The following ST3GAL2 variants were observed in gnomAD, a reference collection of about 807,000 sequenced individuals.
ST3GAL2 encodes ST3 beta-galactoside alpha-2,3-sialyltransferase 2.
ST3GAL2 carries 16 observed loss-of-function variants against 37.5 expected under a neutral mutation model. That is an observed-to-expected ratio of 0.43 (90% CI 0.29 to 0.65). ST3GAL2 has a LOEUF of 0.65. ST3GAL2 is among the 30% of genes least tolerant of loss of function. The probability of loss-of-function intolerance (pLI) is 0.17; values close to 1 mark genes in which losing one functional copy is unlikely to be tolerated. For synonymous variants in ST3GAL2, 238 were observed against 202.9 expected (o/e 1.17, Z -1.47); for missense variants, 383 against 487.8 (o/e 0.79, Z 2.02).
In ST3GAL2 at chr16:70,381,760, C is replaced by G; in HGVS notation, c.982G>C (p.Ala328Pro). The change falls in exon 7 of 7, where the codon GCG becomes CCG. Residue 328 changes from alanine to proline, a missense_variant. Transcript: ENST00000342907. ...TCGATGATGTGGGCCTCGAAGTCCGCGTCGTGCACGCCAGTCTTCCGGAAC... is the reference window on the plus strand; with the variant it reads ...TCGATGATGTGGGCCTCGAAGTCCGGGTCGTGCACGCCAGTCTTCCGGAAC... ...GEFRKTGVHD[A>P]DFEAHIIDML... The G allele has an allele frequency of 6.2e-7, 1 of 1,614,094 alleles. No individual in the cohort carries two copies. Among genetic ancestry groups the G allele is most frequent in the Non-Finnish European group, 8.5e-7 (1 of 1,179,962 alleles).
intron 1 of ST3GAL2, among the ~76,000 whole-genome samples, chr16:70,428,596 T>A (rs1006369743): frequency 5.3e-5 from 8 of 152,194 alleles, no homozygotes; most frequent in African/African-American, 1.9e-4. Context: ...CCCTCTATCC[T>A]ATCCCTCCCT....
In ST3GAL2 at chr16:70,403,995, GA is replaced by G. The variant is rs529839547; in HGVS notation, c.-1003-4463del. Among the ~76,000 whole-genome samples the G allele has an allele frequency of 9.6e-3, 1,410 of 146,434 alleles. 21 individuals carry two copies. Among genetic ancestry groups the G allele is most frequent in the Admixed American group, 0.015 (228 of 14,722 alleles). The stretch of plus-strand genomic sequence containing the variant: ...GGGTGACAGAGTGATACCACAACTC[GA>G]AAAAAAAAAGAAAGTTTTTTAGACA... On this transcript the variant is annotated intron_variant, in intron 1 of 6. Coordinates refer to ENST00000342907, the MANE Select transcript of ST3GAL2 (RefSeq NM_006927.4).
At chr16:70,404,217 T>C (rs1175153133) in intron 1 of ST3GAL2, among the ~76,000 whole-genome samples, 1 of 152,076 alleles carries the variant, frequency 6.6e-6, no homozygotes, top group Admixed American at 6.6e-5. Context: ...GGTACTCTGC[T>C]GTCTGAAAGA....
chr16:70,428,881 G>A (rs982282232), intron 1 of ST3GAL2, among the ~76,000 whole-genome samples: 1 of 152,274 alleles, frequency 6.6e-6, no homozygotes, highest in Admixed American at 6.5e-5. Flanking sequence ...GGAAAAACCT[G>A]GCTAGAGCAG....
chr16:70,399,659 T>A (rs2047542071), intron 1 of ST3GAL2, 126 bp from the exon 2 acceptor site: 1 of 385,516 alleles, frequency 2.6e-6, no homozygotes, highest in Non-Finnish European at 4.6e-6. Context: ...AGGGTGGACA[T>A]GACCAAGGGC....
chr16:70,394,851 G>C, intron 3 of ST3GAL2, 131 bp downstream of exon 3: 1 of 1,007,878 alleles, frequency 9.9e-7, no homozygotes, highest in East Asian at 2.6e-5. Flanking sequence ...TGCTGTGAAA[G>C]ACTCTGGGAG....
intron 1 of ST3GAL2, among the ~76,000 whole-genome samples, chr16:70,404,255 G>A (rs1202664526): frequency 6.6e-6 from 1 of 152,114 alleles, no homozygotes; most frequent in Non-Finnish European, 1.5e-5. Context: ...AGCCAATGAG[G>A]CAGGGGGAAA....
chr16:70,413,560 CAAAAA>C (rs978301918), intron 1 of ST3GAL2, among the ~76,000 whole-genome samples: 5 of 32,086 alleles, frequency 1.6e-4, no homozygotes, highest in Admixed American at 4.6e-4. Flanking sequence ...ATCAAAAATA[CAAAAA>C]AAAAAAAAAA....
intron 1 of ST3GAL2, among the ~76,000 whole-genome samples, chr16:70,416,474 A>G (rs2047677304): frequency 6.6e-6 from 1 of 152,208 alleles, no homozygotes; most frequent in African/African-American, 2.4e-5. Flanking sequence ...AATGCTATTT[A>G]ATTCCTCATC....
intron 1 of ST3GAL2, among the ~76,000 whole-genome samples, chr16:70,410,815 T>C (rs1399997460): frequency 6.6e-6 from 1 of 150,578 alleles, no homozygotes; most frequent in Non-Finnish European, 1.5e-5. Flanking sequence ...CCTGTTTTTT[T>C]TTTTTTTTTT....
intron 4 of ST3GAL2, among the ~76,000 whole-genome samples, chr16:70,387,585 T>G (rs1177939955): frequency 6.6e-6 from 1 of 151,970 alleles, no homozygotes; most frequent in African/African-American, 2.4e-5. Flanking sequence ...AAAATTAAAA[T>G]TAATTGTAGT....
chr16:70,434,440 A>C (rs922425926), intron 1 of ST3GAL2, among the ~76,000 whole-genome samples: 1 of 151,932 alleles, frequency 6.6e-6, no homozygotes, highest in Non-Finnish European at 1.5e-5. Flanking sequence ...CATCTCAAAA[A>C]CAAAAAAAAA....
intron 1 of ST3GAL2, among the ~76,000 whole-genome samples, chr16:70,406,966 T>C (rs1266531273): frequency 6.6e-6 from 1 of 152,112 alleles, no homozygotes; most frequent in Non-Finnish European, 1.5e-5. Context: ...TCGAGTGTCG[T>C]CCTGGAGGGG....
intron 1 of ST3GAL2, among the ~76,000 whole-genome samples, chr16:70,434,399 T>C (rs1597579439): frequency 6.6e-6 from 1 of 151,426 alleles, no homozygotes; most frequent in Non-Finnish European, 1.5e-5. Flanking sequence ...ATCACACCAC[T>C]GTACTCCAGC....
Position 70,398,572 on chromosome 16 carries a change from C to T in ST3GAL2, c.-42G>A, listed in dbSNP as rs924941996. 1 of 1,527,030 alleles carries T rather than the reference C, an allele frequency of 6.5e-7. No homozygotes were observed. Among genetic ancestry groups the T allele is most frequent in the South Asian group, 1.2e-5 (1 of 83,368 alleles). 94.6% of individuals were successfully genotyped at this position (1,527,030 alleles called of 1,614,324 possible). A position where few individuals can be genotyped will look rare whatever the true frequency, so the allele number is the denominator to read the frequency against. On this transcript the variant is annotated 5_prime_UTR_variant, in exon 2 of 7. Transcript: ENST00000342907. ...TGACGGTCACCGTGGCCACTCTTTTCCCAGCCCGCTGAGGGGCCAGCCACG... is the reference window on the plus strand; with the variant it reads ...TGACGGTCACCGTGGCCACTCTTTTTCCAGCCCGCTGAGGGGCCAGCCACG...
intron 1 of ST3GAL2, among the ~76,000 whole-genome samples, chr16:70,423,875 A>T (rs2047732554): frequency 6.7e-6 from 1 of 149,790 alleles, no homozygotes; most frequent in South Asian, 2.1e-4. Flanking sequence ...CAGAGACCAC[A>T]GTGAAACCCC....
intron 1 of ST3GAL2, among the ~76,000 whole-genome samples, chr16:70,409,491 G>A (rs113470886): frequency 6.6e-6 from 1 of 152,054 alleles, no homozygotes; most frequent in African/African-American, 2.4e-5. Flanking sequence ...TTACAGGCAT[G>A]CGCCACCATG....
chr16:70,435,533 G>A (rs2047819040), intron 1 of ST3GAL2, among the ~76,000 whole-genome samples: 1 of 152,156 alleles, frequency 6.6e-6, no homozygotes, highest in African/African-American at 2.4e-5. Context: ...GGGAGGTGGA[G>A]GTTGCGGTGA....
At chr16:70,394,893 G>A in intron 3 of ST3GAL2, 89 bp downstream of exon 3, 1 of 1,451,008 alleles carries the variant, frequency 6.9e-7, no homozygotes. Context: ...GTAGCTGGCA[G>A]CATGCACCCT....
Sources: allele counts gnomAD v4.1 joint callset (sites outside exome capture counted in the v4.1 genomes callset), GRCh38; gene constraint gnomAD v4.1.1; transcripts MANE v1.5; gene names NCBI Gene and HGNC (gene_info 2026-07-23, HGNC 2026-07-21).